GRID1: variants seen among roughly 807,000 people sequenced by gnomAD.
The protein encoded by GRID1 is glutamate ionotropic receptor delta type subunit 1.
Under a neutral mutation model 98.0 loss-of-function variants are expected in GRID1, and 28 were observed. That is an observed-to-expected ratio of 0.29 (90% CI 0.21 to 0.39). The LOEUF is 0.39. Among genes scored for constraint, GRID1 ranks in the 10% least tolerant of loss-of-function variants. The pLI is 1.00. For synonymous variants in GRID1, 553 were observed against 538.5 expected (o/e 1.03, Z -0.37); for missense variants, 1,111 against 1,340.5 (o/e 0.83, Z 2.67).
chr10:85,779,397 C>G (rs2132724348), intron 8 of GRID1, among the ~76,000 whole-genome samples: 1 of 152,274 alleles, frequency 6.6e-6, no homozygotes, highest in South Asian at 2.1e-4. Context: ...GGTTTCATCC[C>G]TACCATGTAG....
chr10:85,837,217 A>C (rs1362316530), intron 8 of GRID1, among the ~76,000 whole-genome samples: 1 of 152,154 alleles, frequency 6.6e-6, no homozygotes, highest in Non-Finnish European at 1.5e-5. Context: ...CAACCTGAGC[A>C]ATCACTAGCT....
rs140158237 is a variant in GRID1 at position 85,802,195 on chromosome 10, T to C, written c.1233+52301A>G. On this transcript the variant is annotated intron_variant, in intron 8 of 15. Transcript: ENST00000327946. ...AAATTGTTCTATACAGCCAAAGAAA[T>C]GCTAATCAAAAAAGCAACATTTCAC... is the stretch of plus-strand genomic sequence containing the variant. Among the ~76,000 whole-genome samples, 1,356 of 152,164 alleles carry C rather than the reference T, an allele frequency of 8.9e-3. 10 individuals are homozygous for C. Among genetic ancestry groups the C allele is most frequent in the Non-Finnish European group, 0.014 (985 of 67,946 alleles).
intron 2 of GRID1, among the ~76,000 whole-genome samples, chr10:86,225,251 A>G (rs1459122419): frequency 1.3e-5 from 2 of 152,158 alleles, no homozygotes; most frequent in African/African-American, 2.4e-5. Flanking sequence ...ACCACAGACT[A>G]AGAGCCAAGA....
chr10:85,619,531 C>A (rs550297449), intron 14 of GRID1, among the ~76,000 whole-genome samples: 2 of 152,304 alleles, frequency 1.3e-5, no homozygotes, highest in South Asian at 2.1e-4. Context: ...CTGGGAAGTT[C>A]TCCCAGATAT....
chr10:86,326,906 C>T (rs942621580), intron 2 of GRID1, among the ~76,000 whole-genome samples: 3 of 152,130 alleles, frequency 2.0e-5, no homozygotes, highest in African/African-American at 7.2e-5. Flanking sequence ...GAGGCCGAGG[C>T]GGGTGGATGA....
In GRID1 at chr10:86,353,278, C is replaced by T. The variant is rs192316345; in HGVS notation, c.235+10663G>A. Among the ~76,000 whole-genome samples, 812 of 152,336 alleles carry T rather than the reference C, an allele frequency of 5.3e-3. 9 individuals carry two copies. The highest frequency in any genetic ancestry group is 0.019 in the African/African-American group (777 of 41,592). On this transcript the variant is annotated intron_variant, in intron 2 of 15. Coordinates refer to ENST00000327946, the MANE Select transcript of GRID1 (RefSeq NM_017551.3). The stretch of plus-strand genomic sequence containing the variant: ...GATGCACCCTGAGGATGCCACCTCC[C>T]AACTGGGACCTCACGTGAGTCCAGG...
At chr10:85,908,604 A>G (rs1223266004) in intron 5 of GRID1, among the ~76,000 whole-genome samples, 3 of 152,198 alleles carry the variant, frequency 2.0e-5, no homozygotes, top group African/African-American at 7.2e-5. Context: ...TATGACATCA[A>G]TTCTCCCAAA....
chr10:85,773,254 C>T (rs1842292229), intron 8 of GRID1, among the ~76,000 whole-genome samples: 1 of 152,058 alleles, frequency 6.6e-6, no homozygotes, highest in African/African-American at 2.4e-5. Context: ...GCAGAAAAGG[C>T]CTTTGACAAA....
chr10:86,080,383 AAAGGGAAGGG>A lies in GRID1; in HGVS notation c.726+58426_726+58435del, dbSNP rs1300914353. ...AAAAAAGAGAGAGAAAAAGGAAAGGAAAGGGAAGGGAAGGGAAGGGAAGGGAAGGGGAGGG... is the reference window on the plus strand; with the variant it reads ...AAAAAAGAGAGAGAAAAAGGAAAGGAAAGGGAAGGGAAGGGAAGGGGAGGG... On this transcript the variant is annotated intron_variant, in intron 4 of 15. Transcript: ENST00000327946. 1.6e-3 allele frequency among the ~76,000 whole-genome samples: 85 copies of A among 54,790 alleles called. 2 individuals carry two copies. The highest frequency in any genetic ancestry group is 6.0e-3 in the African/African-American group (84 of 13,902). The allele number at this position is 54,790 out of a possible 152,430, so 35.9% of individuals were successfully genotyped here. A position where few individuals can be genotyped will look rare whatever the true frequency, so the allele number is the denominator to read the frequency against.
At chr10:86,203,382 G>T (rs766909285) in intron 3 of GRID1, among the ~76,000 whole-genome samples, 3 of 151,944 alleles carry the variant, frequency 2.0e-5, no homozygotes, top group Non-Finnish European at 4.4e-5. Context: ...TGCCGAGGGA[G>T]CAGCCACACT....
At chr10:85,813,319 T>C (rs1842689379) in intron 8 of GRID1, among the ~76,000 whole-genome samples, 1 of 150,638 alleles carries the variant, frequency 6.6e-6, no homozygotes, top group South Asian at 2.1e-4. Flanking sequence ...GAAAACAAAA[T>C]AAAAGGAAAA....
Position 85,916,599 on chromosome 10 carries a change from T to C in GRID1, c.727-360A>G, listed in dbSNP as rs1402499283. Among the ~76,000 whole-genome samples, 1 of 152,184 alleles carries C rather than the reference T, an allele frequency of 6.6e-6. No homozygotes were observed. Among genetic ancestry groups the C allele is most frequent in the African/African-American group, 2.4e-5 (1 of 41,438 alleles). ...GCGCTTAGGGGATGAGTGTTATCAT[T>C]ACTCCAGGCTACAGAATCAGGAAAC... is the stretch of plus-strand genomic sequence containing the variant. On this transcript the variant is annotated intron_variant, in intron 4 of 15. Transcript: ENST00000327946. This position sits in a 1 kb window ranked among gnomAD's most constrained non-coding sequence, Gnocchi z 4.0.
At chr10:85,628,210 GGT>G (rs1462775391) in intron 13 of GRID1, among the ~76,000 whole-genome samples, 1 of 151,546 alleles carries the variant, frequency 6.6e-6, no homozygotes, top group African/African-American at 2.4e-5. Flanking sequence ...TGTGTGTATG[GGT>G]GTGTGAGTGT....
In GRID1 at chr10:85,620,016, G is replaced by A. The variant is rs759438284; in HGVS notation, c.2211C>T (p.Tyr737=). 42 of 1,613,754 alleles carry A rather than the reference G, an allele frequency of 2.6e-5. No individual in the cohort carries two copies. The East Asian group carries it at 2.9e-4, about 11-fold the overall frequency. Residue 737 remains tyrosine, a synonymous_variant, in exon 14 of 16, where the codon TAC becomes TAT. Transcript: ENST00000327946. ...EGIRKAKKGN[Y]AFLWDVAVVE... ...CCACGGCCACATCCCACAGGAAGGC[G>A]TAGTTCCCCTTCTTTGCCTGAAAGA...
At chr10:86,021,746 A>C (rs993449340) in intron 4 of GRID1, among the ~76,000 whole-genome samples, 1 of 151,988 alleles carries the variant, frequency 6.6e-6, no homozygotes, top group Non-Finnish European at 1.5e-5. Flanking sequence ...AAACCTGCAA[A>C]ATTTTCCCAT....
rs146932184 is a variant in GRID1 at position 86,242,421 on chromosome 10, A to C, written c.236-35773T>G. Among the ~76,000 whole-genome samples, 377 of 152,260 alleles carry C rather than the reference A, an allele frequency of 2.5e-3. 2 individuals are homozygous for C. Among genetic ancestry groups the C allele is most frequent in the South Asian group, 8.3e-3 (40 of 4,822 alleles). On this transcript the variant is annotated intron_variant, in intron 2 of 15. Transcript: ENST00000327946. ...AGGGGGCTAGGCTGAGGGCTGCCAC[A>C]CTTCCCCTCCCAGGACATCCAAGAA...
intron 12 of GRID1, among the ~76,000 whole-genome samples, chr10:85,675,037 T>C (rs1404362086): frequency 6.6e-6 from 1 of 152,196 alleles, no homozygotes; most frequent in Non-Finnish European, 1.5e-5. Flanking sequence ...TTGGAGAAGA[T>C]AAGAGACCGT....
At chr10:85,972,709 A>T (rs1842424368) in intron 4 of GRID1, among the ~76,000 whole-genome samples, 2 of 151,936 alleles carry the variant, frequency 1.3e-5, no homozygotes, top group Non-Finnish European at 2.9e-5. Flanking sequence ...ATAGCACTAC[A>T]ATACAATCCT....
chr10:85,722,776 T>A (rs1841717834), intron 12 of GRID1, among the ~76,000 whole-genome samples: 1 of 152,210 alleles, frequency 6.6e-6, no homozygotes, highest in Admixed American at 6.5e-5. Context: ...GTAGCCAGCA[T>A]TAAATTTTCA....
Sources: allele counts gnomAD v4.1 joint callset (sites outside exome capture counted in the v4.1 genomes callset), GRCh38; gene constraint gnomAD v4.1.1; non-coding constraint Gnocchi (gnomAD v3.1); transcripts MANE v1.5; gene names NCBI Gene and HGNC (gene_info 2026-07-23, HGNC 2026-07-21).